The following MSRB3 variants were observed in gnomAD, a reference collection of about 807,000 sequenced individuals.
MSRB3 encodes the protein methionine-R-sulfoxide reductase B3.
Under a neutral mutation model 21.0 loss-of-function variants are expected in MSRB3, and 13 were observed. That is an observed-to-expected ratio of 0.62 (90% CI 0.40 to 0.98). MSRB3 has a LOEUF of 0.98. MSRB3 is among the 50% of genes least tolerant of loss of function. The pLI is 0.00. For synonymous variants in MSRB3, 87 were observed against 88.6 expected, an observed-to-expected ratio of 0.98 and a Z score of 0.10; for missense variants, 199 against 230.3, an observed-to-expected ratio of 0.86 and a Z score of 0.88.
intron 4 of MSRB3, among the ~76,000 whole-genome samples, chr12:65,356,164 T>C (rs1877370596): frequency 6.6e-6 from 1 of 151,966 alleles, no homozygotes; most frequent in Non-Finnish European, 1.5e-5. Flanking sequence ...ATTTATCTTT[T>C]TAGTGATGAA....
chr12:65,359,487 A>C (rs987625914), intron 4 of MSRB3, among the ~76,000 whole-genome samples: 3 of 152,126 alleles, frequency 2.0e-5, no homozygotes, highest in Admixed American at 1.3e-4. Flanking sequence ...CTAACCCCTA[A>C]TCTGCTTCAT....
chr12:65,375,439 T>C (rs1016771366), intron 5 of MSRB3, among the ~76,000 whole-genome samples: 6 of 152,208 alleles, frequency 3.9e-5, no homozygotes, highest in Non-Finnish European at 7.4e-5. Context: ...TAATATTTTA[T>C]TTATTTTTAT....
intron 1 of MSRB3, among the ~76,000 whole-genome samples, chr12:65,297,111 A>T (rs564375691): frequency 1.3e-5 from 2 of 152,310 alleles, no homozygotes; most frequent in African/African-American, 4.8e-5. Flanking sequence ...CAGCAAACTA[A>T]TGCAGGAACA....
intron 5 of MSRB3, among the ~76,000 whole-genome samples, chr12:65,445,482 G>C (rs2136688145): frequency 6.6e-6 from 1 of 150,418 alleles, no homozygotes; most frequent in East Asian, 1.9e-4. Context: ...TGGACAGCTA[G>C]ATGAGAAAGC....
chr12:65,292,327 G>A (rs1397661475), intron 1 of MSRB3, among the ~76,000 whole-genome samples: 1 of 152,150 alleles, frequency 6.6e-6, no homozygotes, highest in Non-Finnish European at 1.5e-5. Flanking sequence ...AGATAATATT[G>A]TATCTACCAC....
At chr12:65,354,666 G>T (rs761085198) in intron 4 of MSRB3, among the ~76,000 whole-genome samples, 1 of 151,602 alleles carries the variant, frequency 6.6e-6, no homozygotes, top group African/African-American at 2.4e-5. Context: ...TTACTACAAA[G>T]GCCAAAGGTA....
intron 1 of MSRB3, chr12:65,286,659 T>C (rs1872366948): frequency 6.6e-6 from 1 of 151,282 alleles, no homozygotes; most frequent in African/African-American, 2.4e-5. Flanking sequence ...TTTCAGTACA[T>C]ATGTAAGACT....
At chr12:65,357,776 T>G (rs1420733291) in intron 4 of MSRB3, among the ~76,000 whole-genome samples, 2 of 151,966 alleles carry the variant, frequency 1.3e-5, no homozygotes, top group East Asian at 3.9e-4. Context: ...ATAACTAGAT[T>G]GGGGTTATGG....
At chr12:65,434,780 G>A (rs928949859) in intron 5 of MSRB3, among the ~76,000 whole-genome samples, 1 of 151,916 alleles carries the variant, frequency 6.6e-6, no homozygotes, top group Non-Finnish European at 1.5e-5. Flanking sequence ...TTACATTTGT[G>A]TGGTGATTAG....
At chr12:65,431,942 A>G (rs1208588428) in intron 5 of MSRB3, among the ~76,000 whole-genome samples, 1 of 152,124 alleles carries the variant, frequency 6.6e-6, no homozygotes, top group East Asian at 1.9e-4. Context: ...CTAGTAGAAT[A>G]TTGACACTAA....
At chr12:65,352,574 C>G (rs1337458961) in intron 4 of MSRB3, among the ~76,000 whole-genome samples, 1 of 151,754 alleles carries the variant, frequency 6.6e-6, no homozygotes, top group Non-Finnish European at 1.5e-5. Context: ...CCCATTGTCT[C>G]AGCCCAAAAT....
At chr12:65,318,323 T>C (rs1341979931) in intron 2 of MSRB3, among the ~76,000 whole-genome samples, 2 of 152,308 alleles carry the variant, frequency 1.3e-5, no homozygotes, top group Admixed American at 6.5e-5. Flanking sequence ...TACATTTAAA[T>C]AAAATTTGCA....
intron 5 of MSRB3, among the ~76,000 whole-genome samples, chr12:65,396,556 C>T (rs373859424): frequency 1.3e-5 from 2 of 151,786 alleles, no homozygotes; most frequent in Admixed American, 6.6e-5. Flanking sequence ...CTGGGTGTGG[C>T]AGTGCATGCC....
intron 6 of MSRB3, among the ~76,000 whole-genome samples, chr12:65,459,539 A>T (rs892925217): frequency 5.9e-5 from 9 of 152,216 alleles, no homozygotes; most frequent in South Asian, 4.1e-4. Flanking sequence ...ACTTACACAC[A>T]AGTGTCTTCA....
chr12:65,466,489 C>T lies in MSRB3; in HGVS notation c.*3167C>T, dbSNP rs1364850387. ...GGGACTTTCCCTCTCTGCACTCCAG[C>T]TCTTACTGTACCATTAGAAGATGCA... On this transcript the variant is annotated 3_prime_UTR_variant, in exon 7 of 7. Coordinates refer to ENST00000308259, the MANE Select transcript of MSRB3 (RefSeq NM_001031679.3). The T allele has an allele frequency of 6.6e-6, 1 of 152,152 alleles. No homozygotes were observed. Among genetic ancestry groups the T allele is most frequent in the East Asian group, 1.9e-4 (1 of 5,186 alleles). 9.4% of individuals were successfully genotyped at this position (152,152 alleles called of 1,614,324 possible). A position where few individuals can be genotyped will look rare whatever the true frequency, so the allele number is the denominator to read the frequency against.
intron 3 of MSRB3, among the ~76,000 whole-genome samples, chr12:65,327,778 C>T (rs986084632): frequency 1.3e-5 from 2 of 152,208 alleles, no homozygotes; most frequent in African/African-American, 4.8e-5. Flanking sequence ...ACTGAATTTA[C>T]CAAATGTTGA....
chr12:65,281,363 A>G (rs916881570), intron 1 of MSRB3, among the ~76,000 whole-genome samples: 4 of 152,134 alleles, frequency 2.6e-5, no homozygotes, highest in African/African-American at 9.7e-5. Flanking sequence ...CCAAGATCCT[A>G]TAATGTTGTT....
chr12:65,399,774 C>A (rs1319178811), intron 5 of MSRB3, among the ~76,000 whole-genome samples: 1 of 152,124 alleles, frequency 6.6e-6, no homozygotes, highest in African/African-American at 2.4e-5. Flanking sequence ...GAGATACATT[C>A]TGTGAATACC....
chr12:65,374,309 A>C (rs1288035941), intron 5 of MSRB3, among the ~76,000 whole-genome samples: 1 of 152,152 alleles, frequency 6.6e-6, no homozygotes. Context: ...CTATTCATCT[A>C]TTCATTCATT....
Sources: allele counts gnomAD v4.1 joint callset (sites outside exome capture counted in the v4.1 genomes callset), GRCh38; gene constraint gnomAD v4.1.1; transcripts MANE v1.5; gene names NCBI Gene and HGNC (gene_info 2026-07-23, HGNC 2026-07-21).